GOLGB1: variants seen among roughly 807,000 people sequenced by gnomAD.
The protein encoded by GOLGB1 is golgin B1, also known as golgin subfamily B member 1.
Under a neutral mutation model 336.9 loss-of-function variants are expected in GOLGB1, and 174 were observed. That is an observed-to-expected ratio of 0.52 (90% CI 0.46 to 0.59). The LOEUF (loss-of-function observed/expected upper bound fraction) is 0.59, where lower values mean the gene tolerates loss of function less well. Ranked by LOEUF, GOLGB1 falls within the 20% of genes least tolerant of loss-of-function variation. The probability of loss-of-function intolerance (pLI) is 0.00; values close to 1 mark genes in which losing one functional copy is unlikely to be tolerated. For missense variants in GOLGB1, 3,331 were observed against 3,645.3 expected (o/e 0.91, Z 2.22); for synonymous variants, 1,208 against 1,289.2 (o/e 0.94, Z 1.35).
In GOLGB1 at chr3:121,696,723, C is replaced by A. The variant is rs533928530; in HGVS notation, c.3800G>T (p.Gly1267Val). ...DQQESCSSTP[G>V]LEEPLFKATE... ...GGCTTTGAATAAAGGTTCTTCTAAACCTGGAGTGGAAGAACACGATTCCTG... is the reference window on the plus strand; with the variant it reads ...GGCTTTGAATAAAGGTTCTTCTAAAACTGGAGTGGAAGAACACGATTCCTG... Residue 1267 changes from glycine (G) to valine (V), a missense_variant, in exon 13 of 22, where the codon GGT becomes GTT. Transcript: ENST00000614479. 5.0e-6 allele frequency: 8 copies of A among 1,614,088 alleles called. No individual in the cohort carries two copies. In the African/African-American group the frequency reaches 6.7e-5, roughly 13 times the overall value.
Position 121,696,868 on chromosome 3 carries a change from G to A in GOLGB1, c.3655C>T (p.Arg1219Cys), listed in dbSNP as rs746623578. ...ELKQQKDDYNRLQEQFDEQSK... is the reference protein window; with the variant it reads ...ELKQQKDDYNCLQEQFDEQSK... ...TGCTCATCAAACTGTTCTTGCAAGCGATTATAGTCATCTTTCTGTTGCTTT... is the reference window on the plus strand; with the variant it reads ...TGCTCATCAAACTGTTCTTGCAAGCAATTATAGTCATCTTTCTGTTGCTTT... Residue 1219 changes from arginine to cysteine, a missense_variant, in exon 13 of 22, where the codon CGC becomes TGC. Coordinates refer to ENST00000614479, the MANE Select transcript of GOLGB1 (RefSeq NM_001366282.2). 21 of 1,614,026 alleles carry A rather than the reference G, an allele frequency of 1.3e-5. No individual in the cohort carries two copies. Among genetic ancestry groups the A allele is most frequent in the South Asian group, 3.3e-5 (3 of 91,090 alleles).
At position 121,690,879 on chromosome 3, in the gene GOLGB1, G is replaced by C; in HGVS notation, c.8485C>G (p.Leu2829Val). 6.2e-7 allele frequency: 1 copy of C among 1,614,156 alleles called. No individual in the cohort carries two copies. The highest frequency in any genetic ancestry group is 8.5e-7 in the Non-Finnish European group (1 of 1,179,986). The change falls in exon 14 of 22, where the codon CTA (leucine) becomes GTA (valine). Residue 2829 changes from leucine (L) to valine (V), a missense_variant. Coordinates refer to ENST00000614479, the MANE Select transcript of GOLGB1 (RefSeq NM_001366282.2). ...DEQLLHLSSQ[L>V]EDSYNQVQSF... ...TGCACTTGGTTATAAGAATCTTCTA[G>C]TTGTGAGGACAAGTGAAGCAATTGC... is the stretch of plus-strand genomic sequence containing the variant.
intron 10 of GOLGB1, among the ~76,000 whole-genome samples, chr3:121,712,199 C>T (rs1280204845): frequency 1.3e-5 from 2 of 151,996 alleles, no homozygotes; most frequent in African/African-American, 4.8e-5. Flanking sequence ...CAAAAGAATC[C>T]AATGAGGAAA....
In GOLGB1 at chr3:121,717,135, A is replaced by G. The variant is rs2061976373; in HGVS notation, c.890T>C (p.Leu297Pro). ...LTAAEQRNQI[L>P]SQQLQQMEAE... is the part of the protein sequence containing the mutation. ...TTCCATCTGCTGTAACTGCTGAGAG[A>G]GAATCTAAGAAAAAAGACAAAGTCT... Residue 297 changes from leucine to proline, a missense_variant, in exon 9 of 22, where the codon CTC becomes CCC. Leu to Pro is a moderately conservative substitution (Grantham distance 98). Transcript: ENST00000614479. The G allele has an allele frequency of 1.9e-6, 3 of 1,593,148 alleles. No individual in the cohort carries two copies. In the African/African-American group the frequency reaches 4.1e-5, roughly 22 times the overall value.
At chr3:121,685,458 C>T (rs1249636175) in intron 14 of GOLGB1, among the ~76,000 whole-genome samples, 1 of 151,942 alleles carries the variant, frequency 6.6e-6, no homozygotes, top group African/African-American at 2.4e-5. Flanking sequence ...TCGCTTGAAC[C>T]CGGGAGGTGG....
intron 10 of GOLGB1, among the ~76,000 whole-genome samples, chr3:121,713,031 G>A (rs543562405): frequency 5.3e-5 from 8 of 151,920 alleles, no homozygotes; most frequent in Non-Finnish European, 8.8e-5. Flanking sequence ...GTGTGGTGGC[G>A]GGTACCTGTA....
At chr3:121,673,668 G>C (rs1056676863) in intron 17 of GOLGB1, among the ~76,000 whole-genome samples, 1 of 151,572 alleles carries the variant, frequency 6.6e-6, no homozygotes, top group African/African-American at 2.4e-5. Context: ...ATTCTTTGTA[G>C]CTATTATAAA....
At position 121,696,425 on chromosome 3, in the gene GOLGB1, A is replaced by G; in HGVS notation, c.4098T>C (p.His1366=). The change falls in exon 13 of 22, where the codon CAT becomes CAC. Residue 1366 remains histidine, a synonymous_variant. Coordinates refer to ENST00000614479, the MANE Select transcript of GOLGB1 (RefSeq NM_001366282.2). The stretch of plus-strand genomic sequence containing the variant: ...GGCTTTCGGCATGGACTTCAGCTTC[A>G]TGGGATACTGTCTTTAGACTCTCGA... The part of the protein sequence containing the change: ...LEIESLKTVS[H]EAEVHAESLQ... 1.9e-6 allele frequency: 3 copies of G among 1,614,136 alleles called. No homozygotes were observed. Among genetic ancestry groups the G allele is most frequent in the East Asian group, 2.2e-5 (1 of 44,884 alleles).
intron 4 of GOLGB1, among the ~76,000 whole-genome samples, chr3:121,727,321 T>TA (rs1491103201): frequency 8.7e-3 from 250 of 28,740 alleles, no homozygotes; most frequent in East Asian, 0.018. Flanking sequence ...TATATATATA[T>TA]TTTTTTTTTT....
At position 121,694,469 on chromosome 3, in the gene GOLGB1, C is replaced by T. The variant is rs749028616; in HGVS notation, c.6054G>A (p.Leu2018=). ...NKSHAKELQE[L]LKEKQQEVKQ... ...TTACTTCTTGTTGTTTTTCTTTTAA[C>T]AGTTCCTGAAGTTCCTTTGCATGGC... The change falls in exon 13 of 22, where the codon CTG becomes CTA. Residue 2018 remains leucine (L), a synonymous_variant. Coordinates refer to ENST00000614479, the MANE Select transcript of GOLGB1 (RefSeq NM_001366282.2). The T allele has an allele frequency of 6.2e-7, 1 of 1,612,320 alleles. No individual in the cohort carries two copies. Among genetic ancestry groups the T allele is most frequent in the African/African-American group, 1.3e-5 (1 of 74,838 alleles).
At chr3:121,683,208 C>T (rs1941307767) in intron 14 of GOLGB1, among the ~76,000 whole-genome samples, 2 of 151,472 alleles carry the variant, frequency 1.3e-5, no homozygotes, top group Non-Finnish European at 2.9e-5. Context: ...GGCCAGAAAA[C>T]AACTTCATTT....
chr3:121,711,558 G>A (rs1944360582), intron 10 of GOLGB1, among the ~76,000 whole-genome samples: 2 of 152,104 alleles, frequency 1.3e-5, no homozygotes, highest in Admixed American at 6.5e-5. Context: ...TTTATTTTCA[G>A]ATGACATGAT....
chr3:121,706,603 G>T (rs964108510), intron 10 of GOLGB1, among the ~76,000 whole-genome samples: 5 of 151,440 alleles, frequency 3.3e-5, no homozygotes, highest in Admixed American at 3.3e-4. Context: ...GCGTGGTGGC[G>T]GTTGCCTGTA....
At chr3:121,671,498 A>C (rs1430575837) in intron 17 of GOLGB1, among the ~76,000 whole-genome samples, 2 of 152,200 alleles carry the variant, frequency 1.3e-5, no homozygotes, top group Non-Finnish European at 2.9e-5. Context: ...CCAGATACTT[A>C]AAAAATTTTT....
intron 15 of GOLGB1, among the ~76,000 whole-genome samples, chr3:121,678,898 TAACAACCTCCCAAAAATGAGGCTGC>T (rs1167711015): frequency 4.1e-4 from 62 of 152,248 alleles, no homozygotes; most frequent in Admixed American, 1.3e-3. Context: ...AGTTAAACAG[TAACAACCTCCCAAAAATGAGGCTGC>T]AACAACTAGA....
At position 121,664,421 on chromosome 3, in the gene GOLGB1, G is replaced by A. The variant is rs1938295332; in HGVS notation, c.*59C>T. 1 of 1,390,644 alleles carries A rather than the reference G, an allele frequency of 7.2e-7. No homozygotes were observed. Among genetic ancestry groups the A allele is most frequent in the African/African-American group, 1.4e-5 (1 of 70,648 alleles). The allele number at this position is 1,390,644 out of a possible 1,614,324, so 86.1% of individuals were successfully genotyped here. A position where few individuals can be genotyped will look rare whatever the true frequency, so the allele number is the denominator to read the frequency against. On this transcript the variant is annotated 3_prime_UTR_variant, in exon 22 of 22. Coordinates refer to ENST00000614479, the MANE Select transcript of GOLGB1 (RefSeq NM_001366282.2). ...GTTCCACTGGAATTGATGTTCTGAT[G>A]TTAGAGGTGAGAGAATTCCAAGTTT...
At chr3:121,678,314 G>T (rs1352609418) in intron 15 of GOLGB1, among the ~76,000 whole-genome samples, 2 of 152,222 alleles carry the variant, frequency 1.3e-5, no homozygotes, top group African/African-American at 4.8e-5. Context: ...TATCAATGTT[G>T]CTTAAGGTTT....
intron 11 of GOLGB1, among the ~76,000 whole-genome samples, chr3:121,700,560 C>T (rs1943315722): frequency 6.6e-6 from 1 of 151,982 alleles, no homozygotes; most frequent in African/African-American, 2.4e-5. Flanking sequence ...ACACTGTATC[C>T]AAATGTCTTA....
chr3:121,729,824 T>C, intron 3 of GOLGB1, 41 bp downstream of exon 3: 3 of 1,500,926 alleles, frequency 2.0e-6, no homozygotes, highest in Non-Finnish European at 2.8e-6. Context: ...TCATCTGTCC[T>C]TTATCAAATG....
Sources: allele counts gnomAD v4.1 joint callset (sites outside exome capture counted in the v4.1 genomes callset), GRCh38; gene constraint gnomAD v4.1.1; transcripts MANE v1.5; gene names NCBI Gene and HGNC (gene_info 2026-07-23, HGNC 2026-07-21).